The following ZMYND11 variants were observed in gnomAD, a reference collection of about 807,000 sequenced individuals.
ZMYND11 encodes zinc finger MYND domain-containing protein 11.
ZMYND11 carries 9 observed loss-of-function variants against 84.9 expected under a neutral mutation model. The observed-to-expected ratio is 0.11, with a 90% CI of 0.06 to 0.18. ZMYND11 has a LOEUF of 0.18. Among genes scored for constraint, ZMYND11 ranks in the 10% least tolerant of loss-of-function variants. The pLI, the probability that ZMYND11 is intolerant of heterozygous loss-of-function variation, is 1.00. For synonymous variants in ZMYND11, 250 were observed against 244.1 expected, an observed-to-expected ratio of 1.02 and a Z score of -0.23; for missense variants, 409 against 761.0, an observed-to-expected ratio of 0.54 and a Z score of 5.44.
At chr10:193,374 C>T (rs1047540088) in intron 2 of ZMYND11, among the ~76,000 whole-genome samples, 2 of 152,176 alleles carry the variant, frequency 1.3e-5, no homozygotes, top group Admixed American at 6.5e-5. Context: ...TTAGCAGTAC[C>T]GTTACTTGTG....
intron 1 of ZMYND11, among the ~76,000 whole-genome samples, chr10:168,045 A>G (rs1844419419): frequency 6.6e-6 from 1 of 152,112 alleles, no homozygotes; most frequent in African/African-American, 2.4e-5. Flanking sequence ...GAGAGTGTTG[A>G]ATCAGTAAGT....
chr10:247,273 TGGATGGAA>T (rs1256473692), intron 11 of ZMYND11, 117 bp from the exon 12 acceptor site: 8 of 1,113,926 alleles, frequency 7.2e-6, no homozygotes, highest in Non-Finnish European at 1.0e-5. Flanking sequence ...GGTAACTGAG[TGGATGGAA>T]GGATGCAAAA....
At chr10:206,577 C>T (rs535843873) in intron 2 of ZMYND11, among the ~76,000 whole-genome samples, 193 of 152,214 alleles carry the variant, frequency 1.3e-3, no homozygotes, top group Admixed American at 4.2e-3. Flanking sequence ...TTTTCCAAAT[C>T]CTATACACTT....
At chr10:201,380 T>G (rs1588902213) in intron 2 of ZMYND11, among the ~76,000 whole-genome samples, 1 of 152,320 alleles carries the variant, frequency 6.6e-6, no homozygotes, top group South Asian at 2.1e-4. Context: ...GGTTCGTTCT[T>G]CCACTGGTTG....
At chr10:199,080 C>G (rs1051641969) in intron 2 of ZMYND11, among the ~76,000 whole-genome samples, 1 of 152,180 alleles carries the variant, frequency 6.6e-6, no homozygotes, top group African/African-American at 2.4e-5. Flanking sequence ...AAAGCTCTGC[C>G]TAGCTTCTGA....
At chr10:211,605 T>C (rs1178291110) in intron 3 of ZMYND11, among the ~76,000 whole-genome samples, 1 of 152,208 alleles carries the variant, frequency 6.6e-6, no homozygotes, top group African/African-American at 2.4e-5. Flanking sequence ...TGTTCACTTC[T>C]TTAACTTTGT....
At chr10:192,926 A>G (rs1309872181) in intron 2 of ZMYND11, among the ~76,000 whole-genome samples, 3 of 152,168 alleles carry the variant, frequency 2.0e-5, no homozygotes, top group Non-Finnish European at 2.9e-5. Context: ...TCTTTATTCT[A>G]AACATTAATT....
At chr10:148,862 A>G (rs1018248522) in intron 1 of ZMYND11, 1 of 152,238 alleles carries the variant, frequency 6.6e-6, no homozygotes, top group Non-Finnish European at 1.5e-5. Flanking sequence ...ACCTTAGGTG[A>G]TAACATACAA....
At chr10:132,510 C>T (rs554132347), upstream of ZMYND11, among the ~76,000 whole-genome samples, 34 of 152,046 alleles carry the variant, frequency 2.2e-4, no homozygotes, top group Middle Eastern at 3.4e-3. Context: ...AGGGCTGCCC[C>T]GCAGCAGGAA....
upstream of ZMYND11, among the ~76,000 whole-genome samples, chr10:133,792 T>G (rs1234045972): frequency 6.6e-6 from 1 of 152,328 alleles, no homozygotes; most frequent in South Asian, 2.1e-4. Context: ...TAGCGATATA[T>G]ATTTACTCTT....
Position 233,338 on chromosome 10 carries a change from C to T in ZMYND11, c.439-3500C>T, listed in dbSNP as rs191145055. Among the ~76,000 whole-genome samples, 520 of 152,278 alleles carry T rather than the reference C, an allele frequency of 3.4e-3. 3 individuals are homozygous for T. Among genetic ancestry groups the T allele is most frequent in the African/African-American group, 0.012 (499 of 41,544 alleles). On this transcript the variant is annotated intron_variant, in intron 4 of 14. Transcript: ENST00000381604. ...AAGCTACGGGGAAGCTCGCTCTTGTCCCTGGGCCAGTAGATCCCCACTCCC... is the reference window on the plus strand; with the variant it reads ...AAGCTACGGGGAAGCTCGCTCTTGTTCCTGGGCCAGTAGATCCCCACTCCC...
rs1944096743 is a variant in ZMYND11 at position 206,060 on chromosome 10, T to C, written c.117-3829T>C. On this transcript the variant is annotated intron_variant, in intron 2 of 14. Transcript: ENST00000381604. The stretch of plus-strand genomic sequence containing the variant: ...CAGAATAAATCAACTAGATAAATAA[T>C]CAACAAATAAAAAATCAGGCCGGGC... Among the ~76,000 whole-genome samples the C allele has an allele frequency of 3.3e-5, 5 of 150,138 alleles. No individual in the cohort carries two copies. The Admixed American group carries it at 3.3e-4, about 10-fold the overall frequency.
chr10:149,594 G>C (rs912391004), intron 1 of ZMYND11, among the ~76,000 whole-genome samples: 5 of 152,100 alleles, frequency 3.3e-5, no homozygotes, highest in Admixed American at 6.6e-5. Flanking sequence ...TTTTTTAAAT[G>C]TAGTTTGCTT....
At chr10:221,091 G>A in intron 3 of ZMYND11, 104 bp from the exon 4 acceptor site, 3 of 1,031,168 alleles carry the variant, frequency 2.9e-6, no homozygotes, top group Non-Finnish European at 4.4e-6. Flanking sequence ...TCTTTAAATT[G>A]TTTATGATGC....
intron 2 of ZMYND11, among the ~76,000 whole-genome samples, chr10:196,831 A>C (rs1338549189): frequency 2.0e-5 from 3 of 152,234 alleles, no homozygotes; most frequent in Non-Finnish European, 4.4e-5. Context: ...GAATGTCTGA[A>C]ACTGGGGTAA....
intron 4 of ZMYND11, among the ~76,000 whole-genome samples, chr10:230,876 T>A (rs1225848887): frequency 6.6e-6 from 1 of 152,210 alleles, no homozygotes; most frequent in Admixed American, 6.5e-5. Context: ...GAACGTTTAC[T>A]GTGTGCCAGA....
chr10:221,406 C>T, intron 4 of ZMYND11, 50 bp downstream of exon 4: 5 of 1,565,010 alleles, frequency 3.2e-6, no homozygotes, highest in Non-Finnish European at 4.3e-6. Context: ...GGAATTAATT[C>T]ATAATAGCTT....
chr10:194,667 C>G (rs1285239807), intron 2 of ZMYND11, among the ~76,000 whole-genome samples: 2 of 152,156 alleles, frequency 1.3e-5, no homozygotes, highest in Non-Finnish European at 2.9e-5. Context: ...TTCCCTGATA[C>G]AAGCATATTT....
At chr10:174,806 G>A (rs1364902032) in intron 1 of ZMYND11, among the ~76,000 whole-genome samples, 2 of 151,534 alleles carry the variant, frequency 1.3e-5, no homozygotes, top group Non-Finnish European at 1.5e-5. Context: ...CAAAACTCAC[G>A]GGCACTACAG....
Sources: allele counts gnomAD v4.1 joint callset (sites outside exome capture counted in the v4.1 genomes callset), GRCh38; gene constraint gnomAD v4.1.1; transcripts MANE v1.5; gene names NCBI Gene and HGNC (gene_info 2026-07-23, HGNC 2026-07-21).